TNR: variants seen among roughly 807,000 people sequenced by gnomAD.
TNR encodes the protein tenascin R, also known as tenascin-R.
Under a neutral mutation model 150.4 loss-of-function variants are expected in TNR, and 45 were observed. The observed-to-expected ratio is 0.30, with a 90% CI of 0.24 to 0.38. TNR has a LOEUF of 0.38. TNR is among the 10% of genes least tolerant of loss of function. The pLI is 1.00. For synonymous variants in TNR, 687 were observed against 678.4 expected, an observed-to-expected ratio of 1.01 and a Z score of -0.20; for missense variants, 1,544 against 1,759.1, an observed-to-expected ratio of 0.88 and a Z score of 2.19.
rs778105436 is a variant in TNR at position 175,323,389 on chromosome 1, C to G, written c.4045G>C (p.Ala1349Pro). Reference sequence around the variant, plus strand: ...TGTAAGGACTGCCGTTTTCTCCCTGCCATGAGACGGTGGTTGTAGGGGCGC... The same window carrying G: ...TGTAAGGACTGCCGTTTTCTCCCTGGCATGAGACGGTGGTTGTAGGGGCGC... ...KMRPYNHRLM[A>P]GRKRQSLQF The change falls in exon 23 of 23, where the codon GCA becomes CCA. Residue 1349 changes from alanine (A) to proline (P), a missense_variant. Coordinates refer to ENST00000367674, the MANE Select transcript of TNR (RefSeq NM_003285.3). 3 of 1,614,018 alleles carry G rather than the reference C, an allele frequency of 1.9e-6. No homozygotes were observed. The highest frequency in any genetic ancestry group is 3.3e-5 in the Admixed American group (2 of 60,008).
At chr1:175,519,094 C>T (rs1030123513) in intron 2 of TNR, among the ~76,000 whole-genome samples, 1 of 152,144 alleles carries the variant, frequency 6.6e-6, no homozygotes, top group Non-Finnish European at 1.5e-5. Flanking sequence ...CTCTTATTTA[C>T]AACTCACTCC....
intron 2 of TNR, among the ~76,000 whole-genome samples, chr1:175,426,880 TAAAATATAAA>T (rs1469743446): frequency 1.4e-4 from 8 of 56,040 alleles, no homozygotes; most frequent in Non-Finnish European, 2.5e-4. Flanking sequence ...ATTATATATA[TAAAATATAAA>T]TATATATAAA....
chr1:175,384,663 C>G (rs1310779455), intron 8 of TNR, among the ~76,000 whole-genome samples: 1 of 152,210 alleles, frequency 6.6e-6, no homozygotes, highest in South Asian at 2.1e-4. Flanking sequence ...CTGGGCATTG[C>G]CCTTCTGTTC....
At chr1:175,649,230 T>A (rs991554633) in intron 1 of TNR, among the ~76,000 whole-genome samples, 1 of 152,178 alleles carries the variant, frequency 6.6e-6, no homozygotes. Flanking sequence ...TCAGGGCTAT[T>A]GATCTGCTGT....
chr1:175,457,325 G>T (rs1286851590), intron 2 of TNR, among the ~76,000 whole-genome samples: 2 of 152,222 alleles, frequency 1.3e-5, no homozygotes, highest in Admixed American at 6.5e-5. Flanking sequence ...CATTCCAATA[G>T]ACAGCGCCCA....
intron 1 of TNR, among the ~76,000 whole-genome samples, chr1:175,535,524 G>A (rs1213662055): frequency 2.0e-5 from 3 of 151,730 alleles, no homozygotes; most frequent in African/African-American, 4.8e-5. Context: ...GCAGTGGCGC[G>A]ATCTCGGCTC....
chr1:175,542,713 A>G (rs1256108368), intron 1 of TNR, among the ~76,000 whole-genome samples: 1 of 152,232 alleles, frequency 6.6e-6, no homozygotes, highest in Non-Finnish European at 1.5e-5. Context: ...CCACTTCTAC[A>G]TGGCATTGGT....
chr1:175,638,930 T>C (rs1208107291), intron 1 of TNR, among the ~76,000 whole-genome samples: 3 of 152,224 alleles, frequency 2.0e-5, no homozygotes, highest in Non-Finnish European at 4.4e-5. Context: ...TTTCTTTGGG[T>C]TGCCCAAACC....
chr1:175,531,964 T>G (rs567577487), intron 1 of TNR, among the ~76,000 whole-genome samples: 2 of 152,308 alleles, frequency 1.3e-5, no homozygotes, highest in Non-Finnish European at 2.9e-5. Flanking sequence ...CAATCACAGA[T>G]TTTTCTCCAG....
chr1:175,544,705 T>C (rs908861743), intron 1 of TNR, among the ~76,000 whole-genome samples: 1 of 152,154 alleles, frequency 6.6e-6, no homozygotes, highest in African/African-American at 2.4e-5. Flanking sequence ...AGGAAGTGGG[T>C]TGAACATGAC....
intron 1 of TNR, among the ~76,000 whole-genome samples, chr1:175,732,087 T>C (rs958218201): frequency 3.9e-5 from 6 of 152,190 alleles, no homozygotes; most frequent in East Asian, 1.9e-4. Flanking sequence ...CTGCCTCCCC[T>C]TGAATCTTCT....
At chr1:175,583,537 G>A (rs1223659053) in intron 1 of TNR, among the ~76,000 whole-genome samples, 1 of 152,162 alleles carries the variant, frequency 6.6e-6, no homozygotes, top group African/African-American at 2.4e-5. Context: ...ACTAACAGGG[G>A]GCTAGCAGGT....
At chr1:175,606,825 G>T (rs549277653) in intron 1 of TNR, among the ~76,000 whole-genome samples, 34 of 152,316 alleles carry the variant, frequency 2.2e-4, no homozygotes, top group African/African-American at 7.7e-4. Context: ...CCTGATAGAT[G>T]GGGGAGTGTG....
chr1:175,633,800 G>T (rs1299244522), intron 1 of TNR, among the ~76,000 whole-genome samples: 1 of 152,154 alleles, frequency 6.6e-6, no homozygotes, highest in African/African-American at 2.4e-5. Flanking sequence ...AATGGGAGAG[G>T]TGGAGGGAGG....
intron 1 of TNR, among the ~76,000 whole-genome samples, chr1:175,652,572 C>T (rs1244242488): frequency 6.6e-6 from 1 of 152,124 alleles, no homozygotes; most frequent in Non-Finnish European, 1.5e-5. Context: ...TGGACTTCCC[C>T]CTTGCTGTTC....
chr1:175,406,565 G>A lies in TNR; in HGVS notation c.150C>T (p.Gly50=). Reference sequence around the variant, plus strand: ...TGCTGGATGTGTTGTAGTTGGCAATGCCTCCCTCCTCCTCCACTGACTGTC... The same window carrying A: ...TGCTGGATGTGTTGTAGTTGGCAATACCTCCCTCCTCCTCCACTGACTGTC... ...VQRQSVEEEG[G]IANYNTSSKE... is the part of the protein sequence containing the mutation. The change falls in exon 3 of 23, where the codon GGC becomes GGT. Residue 50 remains glycine, a synonymous_variant. Transcript: ENST00000367674. The A allele has an allele frequency of 6.2e-7, 1 of 1,614,194 alleles. No individual in the cohort carries two copies. The highest frequency in any genetic ancestry group is 8.5e-7 in the Non-Finnish European group (1 of 1,180,042).
chr1:175,429,617 C>G lies in TNR; in HGVS notation c.-63-22840G>C, dbSNP rs35014184. Reference sequence around the variant, plus strand: ...GAATCCTGAATGTAAAACCAAAGGGCCTTCTTTTAAATAGCATCTTATGAG... The same window carrying G: ...GAATCCTGAATGTAAAACCAAAGGGGCTTCTTTTAAATAGCATCTTATGAG... On this transcript the variant is annotated intron_variant, in intron 2 of 22. Transcript: ENST00000367674. 7.3e-3 allele frequency among the ~76,000 whole-genome samples: 1,113 copies of G among 152,240 alleles called. 7 individuals carry two copies. The highest frequency in any genetic ancestry group is 0.014 in the Middle Eastern group (4 of 294).
chr1:175,466,185 T>A (rs1158138048), intron 2 of TNR, among the ~76,000 whole-genome samples: 1 of 152,250 alleles, frequency 6.6e-6, no homozygotes, highest in Admixed American at 6.5e-5. Context: ...CCTCATTTTA[T>A]ACATATGGAA....
chr1:175,616,694 A>T (rs1476315341), intron 1 of TNR, among the ~76,000 whole-genome samples: 1 of 152,110 alleles, frequency 6.6e-6, no homozygotes, highest in Admixed American at 6.5e-5. Flanking sequence ...ATATTTCAGG[A>T]AGCAAGTTTC....
Sources: allele counts gnomAD v4.1 joint callset (sites outside exome capture counted in the v4.1 genomes callset), GRCh38; gene constraint gnomAD v4.1.1; transcripts MANE v1.5; gene names NCBI Gene and HGNC (gene_info 2026-07-23, HGNC 2026-07-21).